Variants in UBAP1 observed in about 807,000 individuals in gnomAD.
UBAP1 encodes ubiquitin associated protein 1, also known as ubiquitin-associated protein 1.
A neutral mutation model predicts 39.0 loss-of-function variants in UBAP1; 5 were observed. The observed-to-expected ratio is 0.13, with a 90% CI of 0.07 to 0.27. UBAP1 has a LOEUF of 0.27. UBAP1 is among the 10% of genes least tolerant of loss of function. The pLI is 1.00. For missense variants in UBAP1, 490 were observed against 608.1 expected, an observed-to-expected ratio of 0.81 and a Z score of 2.04; for synonymous variants, 211 against 225.1, an observed-to-expected ratio of 0.94 and a Z score of 0.56.
At chr9:34,246,069 C>T (rs1362752525) in intron 4 of UBAP1, among the ~76,000 whole-genome samples, 1 of 152,074 alleles carries the variant, frequency 6.6e-6, no homozygotes, top group Non-Finnish European at 1.5e-5. Context: ...AAGATGAATA[C>T]AGTTTTAATT....
At chr9:34,207,090 C>G (rs1165387161) in intron 1 of UBAP1, among the ~76,000 whole-genome samples, 1 of 81,364 alleles carries the variant, frequency 1.2e-5, no homozygotes, top group East Asian at 4.7e-4. Flanking sequence ...TTGCTCTTGT[C>G]GCCCAGGCTG....
chr9:34,228,123 T>A (rs1441073519), intron 2 of UBAP1, among the ~76,000 whole-genome samples: 1 of 148,794 alleles, frequency 6.7e-6, no homozygotes, highest in Non-Finnish European at 1.5e-5. Context: ...AGCAAGACCC[T>A]GTCTTAAAAA....
At position 34,233,424 on chromosome 9, in the gene UBAP1, G is replaced by C. The variant is rs528731605; in HGVS notation, c.35-792G>C. ...TTTAGTAGAGACGGGGTTTCACCATGTTGGTCAGGCTGGGAGTAATTCTTT... is the reference window on the plus strand; with the variant it reads ...TTTAGTAGAGACGGGGTTTCACCATCTTGGTCAGGCTGGGAGTAATTCTTT... On this transcript the variant is annotated intron_variant, in intron 2 of 6. Transcript: ENST00000297661. Among the ~76,000 whole-genome samples the C allele has an allele frequency of 1.5e-4, 23 of 151,962 alleles. No homozygotes were observed. The East Asian group carries it at 4.3e-3, about 28-fold the overall frequency.
At chr9:34,238,671 T>C (rs1833819196) in intron 3 of UBAP1, among the ~76,000 whole-genome samples, 1 of 152,226 alleles carries the variant, frequency 6.6e-6, no homozygotes, top group Non-Finnish European at 1.5e-5. Context: ...ATGGAGACTT[T>C]ATTGGGCCAG....
intron 1 of UBAP1, among the ~76,000 whole-genome samples, chr9:34,212,492 A>G (rs990682962): frequency 6.6e-6 from 1 of 151,352 alleles, no homozygotes; most frequent in African/African-American, 2.4e-5. Flanking sequence ...TTCCATGTCT[A>G]CTCCTATGTT....
intron 1 of UBAP1, among the ~76,000 whole-genome samples, chr9:34,215,686 A>C (rs1295254321): frequency 6.6e-6 from 1 of 152,038 alleles, no homozygotes; most frequent in African/African-American, 2.4e-5. Flanking sequence ...GGAAAAATAA[A>C]TAATAAAAAA....
chr9:34,195,152 T>TC (rs1830953746), intron 1 of UBAP1, among the ~76,000 whole-genome samples: 1 of 152,010 alleles, frequency 6.6e-6, no homozygotes, highest in Non-Finnish European at 1.5e-5. Flanking sequence ...TTTTTTTTTT[T>TC]CTCTAACAGT....
At chr9:34,227,696 C>T (rs1297852697) in intron 2 of UBAP1, among the ~76,000 whole-genome samples, 6 of 152,118 alleles carry the variant, frequency 3.9e-5, no homozygotes, top group South Asian at 2.1e-4. Flanking sequence ...CTGCCACAAC[C>T]GCAGCCATGA....
chr9:34,235,796 A>C (rs1833669065), intron 3 of UBAP1, among the ~76,000 whole-genome samples: 1 of 151,452 alleles, frequency 6.6e-6, no homozygotes, highest in Admixed American at 6.6e-5. Context: ...ATTTATGGTA[A>C]GTGCCCTATA....
chr9:34,241,408 G>T lies in UBAP1; in HGVS notation c.383G>T (p.Ser128Ile). ...NPILASLQHN[S>I]ILTPTRVSSS... Reference sequence around the variant, plus strand: ...ATCCTCGCCAGCTTGCAGCACAACAGCATCCTCACACCAACTCGGGTCAGC... The same window carrying T: ...ATCCTCGCCAGCTTGCAGCACAACATCATCCTCACACCAACTCGGGTCAGC... Residue 128 changes from serine to isoleucine, a missense_variant, in exon 4 of 7, where the codon AGC becomes ATC. Physicochemically the swap from Ser to Ile is moderately radical, Grantham distance 142. Coordinates refer to ENST00000297661, the MANE Select transcript of UBAP1 (RefSeq NM_016525.5). 1 of 1,579,242 alleles carries T rather than the reference G, an allele frequency of 6.3e-7. No individual in the cohort carries two copies. The highest frequency in any genetic ancestry group is 8.6e-7 in the Non-Finnish European group (1 of 1,162,358).
chr9:34,234,309 C>G lies in UBAP1; in HGVS notation c.128C>G (p.Pro43Arg). Reference sequence around the variant, plus strand: ...GGTCTACCTATTGGCTTCTCCTTGCCTGATTGTTTGCAGGTTGTCAGAGAA... The same window carrying G: ...GGTCTACCTATTGGCTTCTCCTTGCGTGATTGTTTGCAGGTTGTCAGAGAA... ...KVGLPIGFSLPDCLQVVREVQ... is the reference protein window; with the variant it reads ...KVGLPIGFSLRDCLQVVREVQ... Residue 43 changes from proline (P) to arginine (R), a missense_variant, in exon 3 of 7, where the codon CCT becomes CGT. This residue lies in a region of UBAP1 where 144 missense variants were observed against 184.4 expected (regional missense o/e 0.78). Coordinates refer to ENST00000297661, the MANE Select transcript of UBAP1 (RefSeq NM_016525.5). The G allele has an allele frequency of 6.2e-7, 1 of 1,609,570 alleles. No homozygotes were observed. Among genetic ancestry groups the G allele is most frequent in the South Asian group, 1.1e-5 (1 of 89,738 alleles).
chr9:34,220,612 A>G, intron 1 of UBAP1: 1 of 293,230 alleles, frequency 3.4e-6, no homozygotes, highest in Non-Finnish European at 6.5e-6. Context: ...GGAGTGAGCC[A>G]CCAAGCCTGG....
At chr9:34,234,640 T>G (rs937963213) in intron 3 of UBAP1, among the ~76,000 whole-genome samples, 18 of 150,536 alleles carry the variant, frequency 1.2e-4, no homozygotes, top group South Asian at 4.2e-4. Context: ...AAATGATAGA[T>G]ATATATATAT....
intron 1 of UBAP1, among the ~76,000 whole-genome samples, chr9:34,202,038 G>A (rs1176191781): frequency 6.6e-6 from 1 of 152,094 alleles, no homozygotes; most frequent in Admixed American, 6.6e-5. Context: ...TCCTCCCTGG[G>A]GTGTCACCAT....
chr9:34,183,782 T>G (rs546254924), intron 1 of UBAP1, among the ~76,000 whole-genome samples: 3 of 151,448 alleles, frequency 2.0e-5, no homozygotes, highest in Non-Finnish European at 4.4e-5. Context: ...TTTGTTTTTT[T>G]TTTTTGAAAC....
intron 1 of UBAP1, chr9:34,220,594 G>A (rs1832706733): frequency 8.0e-6 from 2 of 249,136 alleles, no homozygotes; most frequent in South Asian, 1.0e-4. Flanking sequence ...ACAAAGTACT[G>A]GGATATAGGA....
At chr9:34,179,865 C>T (rs1303467623) in intron 1 of UBAP1, among the ~76,000 whole-genome samples, 1 of 152,106 alleles carries the variant, frequency 6.6e-6, no homozygotes, top group African/African-American at 2.4e-5. Flanking sequence ...TTTATTTGAG[C>T]TATATCAGTG....
At chr9:34,185,790 A>G (rs1006045973) in intron 1 of UBAP1, among the ~76,000 whole-genome samples, 1 of 150,842 alleles carries the variant, frequency 6.6e-6, no homozygotes, top group Admixed American at 6.6e-5. Context: ...TGGTGGCAGT[A>G]AGCCTAGATC....
chr9:34,243,487 T>C (rs532067837), intron 4 of UBAP1, among the ~76,000 whole-genome samples: 134 of 152,044 alleles, frequency 8.8e-4, no homozygotes, highest in African/African-American at 3.0e-3. Flanking sequence ...TGTTTCTTTT[T>C]TCTTTTTTTT....
Sources: allele counts gnomAD v4.1 joint callset (sites outside exome capture counted in the v4.1 genomes callset), GRCh38; gene constraint gnomAD v4.1.1; regional missense constraint gnomAD v4.1.1; transcripts MANE v1.5; gene names NCBI Gene and HGNC (gene_info 2026-07-23, HGNC 2026-07-21).